Variants in DPYS observed in about 807,000 individuals in gnomAD.
The protein encoded by DPYS is dihydropyrimidinase.
A neutral mutation model predicts 50.3 loss-of-function variants in DPYS; 39 were observed. That is an observed-to-expected ratio of 0.78 (90% CI 0.60 to 1.01). The LOEUF is 1.01. DPYS is among the 50% of genes least tolerant of loss of function. The pLI, the probability that DPYS is intolerant of heterozygous loss-of-function variation, is 0.00. For synonymous variants in DPYS, 245 were observed against 250.7 expected (o/e 0.98, Z 0.22); for missense variants, 659 against 680.9 (o/e 0.97, Z 0.36).
intron 4 of DPYS, among the ~76,000 whole-genome samples, chr8:104,430,675 C>A (rs1812924107): frequency 6.6e-6 from 1 of 152,210 alleles, no homozygotes; most frequent in South Asian, 2.1e-4. Context: ...TGGAACACAG[C>A]ACCCTATTAT....
intron 1 of DPYS, among the ~76,000 whole-genome samples, chr8:104,465,069 T>C (rs1814312377): frequency 6.6e-6 from 1 of 152,228 alleles, no homozygotes; most frequent in Admixed American, 6.5e-5. Context: ...GATCCTTCTC[T>C]CTGGGTCAAA....
intron 1 of DPYS, among the ~76,000 whole-genome samples, chr8:104,455,250 G>A (rs1016703676): frequency 4.6e-5 from 7 of 152,330 alleles, no homozygotes; most frequent in African/African-American, 1.7e-4. Context: ...TAGAGCCTGA[G>A]CCTCTGGGAA....
intron 8 of DPYS, among the ~76,000 whole-genome samples, chr8:104,391,922 A>AT (rs568648882): frequency 3.4e-4 from 52 of 151,960 alleles, no homozygotes; most frequent in Middle Eastern, 3.4e-3. Flanking sequence ...CATGCCTTTC[A>AT]TTTAAAAAAA....
At position 104,448,373 on chromosome 8, in the gene DPYS, C is replaced by A. The variant is rs571036226; in HGVS notation, c.424-870G>T. On this transcript the variant is annotated intron_variant, in intron 2 of 9. Transcript: ENST00000351513. The stretch of plus-strand genomic sequence containing the variant: ...GTTTCACCATGTTGGCCAGGCTGGT[C>A]TTGCATTCCCGACCTCAAGTCATCT... Among the ~76,000 whole-genome samples, 14 of 152,218 alleles carry A rather than the reference C, an allele frequency of 9.2e-5. 1 individual carries two copies. Among genetic ancestry groups the A allele is most frequent in the African/African-American group, 3.4e-4 (14 of 41,536 alleles).
chr8:104,406,690 A>G lies in DPYS; in HGVS notation c.1236-13699T>C, dbSNP rs147065612. Reference sequence around the variant, plus strand: ...TGACCACTTGCCCTCTGGCCTGCAGACTCCAGCATCAGACATGAAGGCAGT... The same window carrying G: ...TGACCACTTGCCCTCTGGCCTGCAGGCTCCAGCATCAGACATGAAGGCAGT... On this transcript the variant is annotated intron_variant, in intron 7 of 9. Coordinates refer to ENST00000351513, the MANE Select transcript of DPYS (RefSeq NM_001385.3). Among the ~76,000 whole-genome samples, 310 of 152,122 alleles carry G rather than the reference A, an allele frequency of 2.0e-3. 1 individual carries two copies. The highest frequency in any genetic ancestry group is 5.6e-3 in the African/African-American group (231 of 41,476).
chr8:104,460,853 T>C (rs1814130248), intron 1 of DPYS, among the ~76,000 whole-genome samples: 1 of 152,236 alleles, frequency 6.6e-6, no homozygotes, highest in African/African-American at 2.4e-5. Context: ...TACAAACCCT[T>C]GAAGCTGGAG....
At chr8:104,391,070 T>C (rs1358394825) in intron 8 of DPYS, among the ~76,000 whole-genome samples, 2 of 152,186 alleles carry the variant, frequency 1.3e-5, no homozygotes, top group East Asian at 1.9e-4. Flanking sequence ...AGCATATAAA[T>C]ACAGCATATA....
At chr8:104,437,417 A>C (rs1459377957) in intron 4 of DPYS, among the ~76,000 whole-genome samples, 2 of 152,204 alleles carry the variant, frequency 1.3e-5, no homozygotes, top group East Asian at 3.8e-4. Context: ...GGTCATCCTC[A>C]CTGCTCATTA....
At position 104,424,363 on chromosome 8, in the gene DPYS, T is replaced by A; in HGVS notation, c.1119A>T (p.Arg373Ser). Residue 373 changes from arginine (R) to serine (S), a missense_variant, in exon 7 of 10, where the codon AGA becomes AGT. Coordinates refer to ENST00000351513, the MANE Select transcript of DPYS (RefSeq NM_001385.3). ...GVHSGKMDENRFVAVTSTNAA... is the reference protein window; with the variant it reads ...GVHSGKMDENSFVAVTSTNAA... The stretch of plus-strand genomic sequence containing the variant: ...CATTTGTGCTGGTAACTGCCACAAA[T>A]CTGTTTTCATCCATTTTACCACTAT... 1 of 1,613,968 alleles carries A rather than the reference T, an allele frequency of 6.2e-7. No individual in the cohort carries two copies. Among genetic ancestry groups the A allele is most frequent in the Non-Finnish European group, 8.5e-7 (1 of 1,179,998 alleles).
chr8:104,428,994 CCA>C (rs1160600611), intron 5 of DPYS, among the ~76,000 whole-genome samples: 1 of 152,014 alleles, frequency 6.6e-6, no homozygotes, highest in Non-Finnish European at 1.5e-5. Flanking sequence ...CCACGCCCAG[CCA>C]ATTTTTGTAT....
intron 7 of DPYS, among the ~76,000 whole-genome samples, chr8:104,396,725 A>G (rs777629468): frequency 1.3e-5 from 2 of 151,720 alleles, no homozygotes; most frequent in African/African-American, 2.4e-5. Context: ...GATTCCAGGT[A>G]TCTTCAGTGT....
At chr8:104,395,103 C>T (rs1488296825) in intron 7 of DPYS, among the ~76,000 whole-genome samples, 1 of 151,832 alleles carries the variant, frequency 6.6e-6, no homozygotes, top group Non-Finnish European at 1.5e-5. Flanking sequence ...TCAAGCGATC[C>T]TCCCACCTCA....
chr8:104,419,313 G>T (rs756018051), intron 7 of DPYS, among the ~76,000 whole-genome samples: 1 of 152,060 alleles, frequency 6.6e-6, no homozygotes, highest in South Asian at 2.1e-4. Flanking sequence ...CTTCCATGCC[G>T]TGTGGAAGGC....
At chr8:104,437,964 A>C (rs1463262900) in intron 4 of DPYS, among the ~76,000 whole-genome samples, 1 of 152,232 alleles carries the variant, frequency 6.6e-6, no homozygotes, top group Non-Finnish European at 1.5e-5. Flanking sequence ...AGAGAAGGAA[A>C]CTGTGCCTTC....
At chr8:104,385,715 A>G (rs959135912) in intron 8 of DPYS, among the ~76,000 whole-genome samples, 4 of 152,186 alleles carry the variant, frequency 2.6e-5, no homozygotes, top group African/African-American at 7.2e-5. Flanking sequence ...GCCTTTATGA[A>G]TGGATTAATG....
chr8:104,426,392 G>T (rs1162046604), intron 6 of DPYS, among the ~76,000 whole-genome samples: 1 of 152,202 alleles, frequency 6.6e-6, no homozygotes, highest in Non-Finnish European at 1.5e-5. Flanking sequence ...CTGGAGTAAA[G>T]AATACACTGT....
At chr8:104,381,656 C>T (rs999892608) in intron 8 of DPYS, among the ~76,000 whole-genome samples, 1 of 152,170 alleles carries the variant, frequency 6.6e-6, no homozygotes, top group Admixed American at 6.5e-5. Flanking sequence ...CCTGAGTTTG[C>T]AGTGCTTCTT....
intron 7 of DPYS, among the ~76,000 whole-genome samples, chr8:104,422,867 ATATTT>A (rs773008344): frequency 6.6e-6 from 1 of 152,200 alleles, no homozygotes; most frequent in Non-Finnish European, 1.5e-5. Flanking sequence ...CTGTAGAGTG[ATATTT>A]TAAATATCAG....
At chr8:104,447,010 T>C (rs185584397) in intron 3 of DPYS, among the ~76,000 whole-genome samples, 1 of 152,304 alleles carries the variant, frequency 6.6e-6, no homozygotes, top group Non-Finnish European at 1.5e-5. Flanking sequence ...GCCAAAAGTA[T>C]GCTGGAGGAC....
Sources: allele counts gnomAD v4.1 joint callset (sites outside exome capture counted in the v4.1 genomes callset), GRCh38; gene constraint gnomAD v4.1.1; transcripts MANE v1.5; gene names NCBI Gene and HGNC (gene_info 2026-07-23, HGNC 2026-07-21).